FAM135A: variants seen among roughly 807,000 people sequenced by gnomAD.
The protein encoded by FAM135A is protein FAM135A.
Under a neutral mutation model 146.8 loss-of-function variants are expected in FAM135A, and 79 were observed. That is an observed-to-expected ratio of 0.54 (90% CI 0.45 to 0.65). The LOEUF (loss-of-function observed/expected upper bound fraction) is 0.65, where lower values mean the gene tolerates loss of function less well. Ranked by LOEUF, FAM135A falls within the 30% of genes least tolerant of loss-of-function variation. The pLI is 0.00. For missense variants in FAM135A, 1,623 were observed against 1,758.2 expected (o/e 0.92, Z 1.38); for synonymous variants, 562 against 603.6 (o/e 0.93, Z 1.01).
At chr6:70,528,604 G>T in intron 16 of FAM135A, 152 bp downstream of exon 16, 1 of 643,392 alleles carries the variant, frequency 1.6e-6, no homozygotes, top group Non-Finnish European at 2.3e-6. Context: ...ACAGAAATAT[G>T]CTTAATTTTA....
intron 20 of FAM135A, among the ~76,000 whole-genome samples, chr6:70,545,982 T>C (rs1326306592): frequency 6.6e-6 from 1 of 152,218 alleles, no homozygotes; most frequent in Non-Finnish European, 1.5e-5. Context: ...TTCAATTGAT[T>C]TTAAAATTAC....
At chr6:70,427,398 G>A (rs1380497205) in intron 3 of FAM135A, among the ~76,000 whole-genome samples, 3 of 152,100 alleles carry the variant, frequency 2.0e-5, no homozygotes, top group East Asian at 1.9e-4. Context: ...TGAGCATGAC[G>A]GCGCATGCCT....
At chr6:70,456,900 A>G (rs1321755262) in intron 5 of FAM135A, among the ~76,000 whole-genome samples, 1 of 152,170 alleles carries the variant, frequency 6.6e-6, no homozygotes, top group Non-Finnish European at 1.5e-5. Context: ...CTTGTATTAC[A>G]GTTCAGTCAG....
intron 16 of FAM135A, among the ~76,000 whole-genome samples, chr6:70,530,146 A>G (rs548070936): frequency 2.9e-4 from 44 of 152,332 alleles, no homozygotes; most frequent in Admixed American, 1.7e-3. Context: ...GTAAGTTACT[A>G]TAACAAATAA....
Position 70,535,341 on chromosome 6 carries a change from A to G in FAM135A, c.3966-919A>G, listed in dbSNP as rs916716112. 3.9e-5 allele frequency among the ~76,000 whole-genome samples: 6 copies of G among 152,200 alleles called. No individual in the cohort carries two copies. In the East Asian group the frequency reaches 1.2e-3, roughly 29 times the overall value. On this transcript the variant is annotated intron_variant, in intron 18 of 21. Coordinates refer to ENST00000418814, the MANE Select transcript of FAM135A (RefSeq NM_001162529.3). ...AACAGTAAGTAAACAGGCTATTTTG[A>G]TTTAAACCAGGGGTCCCCAAACCCT...
At chr6:70,485,526 C>G (rs1304036346) in intron 10 of FAM135A, among the ~76,000 whole-genome samples, 6 of 152,120 alleles carry the variant, frequency 3.9e-5, no homozygotes, top group East Asian at 3.8e-4. Flanking sequence ...CCAAACACCA[C>G]TATATTCACC....
chr6:70,421,814 C>G (rs980521718), intron 2 of FAM135A, among the ~76,000 whole-genome samples: 4 of 152,154 alleles, frequency 2.6e-5, no homozygotes, highest in Non-Finnish European at 5.9e-5. Context: ...TCAGCTGATT[C>G]CAGTCATTTC....
intron 7 of FAM135A, among the ~76,000 whole-genome samples, chr6:70,476,718 A>G (rs1228402927): frequency 1.3e-5 from 2 of 152,108 alleles, no homozygotes; most frequent in Non-Finnish European, 2.9e-5. Context: ...AAAATAAGCA[A>G]TGGCCTGCTT....
chr6:70,432,289 G>A (rs1365392341), intron 4 of FAM135A, among the ~76,000 whole-genome samples: 1 of 152,038 alleles, frequency 6.6e-6, no homozygotes, highest in Admixed American at 6.5e-5. Flanking sequence ...ATACTAAAGA[G>A]CATCTCTTTC....
chr6:70,462,491 G>A (rs1779620846), intron 5 of FAM135A, among the ~76,000 whole-genome samples: 1 of 151,908 alleles, frequency 6.6e-6, no homozygotes, highest in African/African-American at 2.4e-5. Context: ...TGAAATGGAG[G>A]GAAAAAGGGA....
At chr6:70,544,598 A>G (rs751322229) in intron 20 of FAM135A, among the ~76,000 whole-genome samples, 69 of 151,766 alleles carry the variant, frequency 4.5e-4, no homozygotes, top group Non-Finnish European at 7.2e-4. Context: ...AAAATTAGCT[A>G]GGCATGGTCA....
intron 12 of FAM135A, among the ~76,000 whole-genome samples, chr6:70,511,181 C>A (rs1790922375): frequency 6.6e-6 from 1 of 151,808 alleles, no homozygotes; most frequent in African/African-American, 2.4e-5. Context: ...GGTAACTAGG[C>A]CCTTATCTGA....
intron 10 of FAM135A, chr6:70,486,138 C>T: frequency 6.2e-7 from 1 of 1,600,822 alleles, no homozygotes; most frequent in Non-Finnish European, 8.5e-7. Flanking sequence ...AGTATAGTAA[C>T]TAGTGCTGTG....
intron 11 of FAM135A, among the ~76,000 whole-genome samples, chr6:70,499,415 T>A (rs1334003827): frequency 6.6e-6 from 1 of 152,216 alleles, no homozygotes; most frequent in Admixed American, 6.5e-5. Context: ...AGCACACCAA[T>A]GGGTCTTGAC....
At chr6:70,485,302 G>A (rs1049671226) in intron 10 of FAM135A, among the ~76,000 whole-genome samples, 1 of 151,988 alleles carries the variant, frequency 6.6e-6, no homozygotes, top group Non-Finnish European at 1.5e-5. Flanking sequence ...GTAATATATT[G>A]TGGTGTTCTT....
At chr6:70,414,029 C>CT (rs1172519798) in intron 1 of FAM135A, 1 of 985,756 alleles carries the variant, frequency 1.0e-6, no homozygotes, top group African/African-American at 1.7e-5. Flanking sequence ...CCCTTCACCC[C>CT]TGCTCCATCT....
At chr6:70,537,623 G>C (rs1797024978) in intron 19 of FAM135A, among the ~76,000 whole-genome samples, 1 of 152,052 alleles carries the variant, frequency 6.6e-6, no homozygotes, top group South Asian at 2.1e-4. Flanking sequence ...CCAATTAAAG[G>C]ATTGTTTTCC....
At chr6:70,478,965 C>G (rs1783173452) in intron 8 of FAM135A, among the ~76,000 whole-genome samples, 1 of 151,834 alleles carries the variant, frequency 6.6e-6, no homozygotes, top group Admixed American at 6.6e-5. Context: ...TACAGTATTG[C>G]TTTTATATGA....
At position 70,526,696 on chromosome 6, in the gene FAM135A, A is replaced by C. The variant is rs757742346; in HGVS notation, c.3612A>C (p.Gln1204His). The C allele has an allele frequency of 1.3e-5, 21 of 1,592,182 alleles. No individual in the cohort carries two copies. The highest frequency in any genetic ancestry group is 1.7e-4 in the Middle Eastern group (1 of 5,982). ...AAAGTTCACCAAAACCTCAAATACAAGCGTAAGTAATGGAACGTAATAGTA... is the reference window on the plus strand; with the variant it reads ...AAAGTTCACCAAAACCTCAAATACACGCGTAAGTAATGGAACGTAATAGTA... ...WYESSPKPQIQAFLQAKEELK... is the reference protein window; with the variant it reads ...WYESSPKPQIHAFLQAKEELK... Residue 1204 changes from glutamine to histidine, a missense_variant and splice_region_variant, in exon 15 of 22, where the codon CAA becomes CAC. Around this residue, in one of 7 missense-constraint regions of FAM135A, gnomAD observed 1,061 missense variants for 1,113.8 expected, o/e 0.95. Coordinates refer to ENST00000418814, the MANE Select transcript of FAM135A (RefSeq NM_001162529.3).
Sources: gnomAD v4.1 joint callset for allele counts (sites outside exome capture counted in the v4.1 genomes callset) on GRCh38, gnomAD v4.1.1 for gene constraint, gnomAD v4.1.1 regional missense constraint, MANE v1.5 for transcripts, NCBI Gene and HGNC (gene_info 2026-07-23, HGNC 2026-07-21) for gene names.